Variants in GBE1 observed in about 807,000 individuals in gnomAD.
GBE1 encodes the protein 1,4-alpha-glucan branching enzyme 1, also known as 1,4-alpha-glucan-branching enzyme.
A neutral mutation model predicts 88.8 loss-of-function variants in GBE1; 70 were observed. The ratio of observed to expected loss-of-function variants is 0.79; its 90% CI spans 0.65 to 0.96. GBE1 has a LOEUF of 0.96. Ranked by LOEUF, GBE1 falls within the 40% of genes least tolerant of loss-of-function variation. The pLI, the probability that GBE1 is intolerant of heterozygous loss-of-function variation, is 0.00. For synonymous variants in GBE1, 284 were observed against 300.1 expected (o/e 0.95, Z 0.56); for missense variants, 872 against 871.0 (o/e 1.00, Z -0.01).
intron 14 of GBE1, among the ~76,000 whole-genome samples, chr3:81,530,092 TC>T (rs1195006394): frequency 6.6e-6 from 1 of 151,904 alleles, no homozygotes; most frequent in African/African-American, 2.4e-5. Flanking sequence ...CTTGATCAAT[TC>T]TGCTCTTGAG....
At chr3:81,641,667 G>T (rs1290297465) in intron 7 of GBE1, among the ~76,000 whole-genome samples, 1 of 152,106 alleles carries the variant, frequency 6.6e-6, no homozygotes, top group East Asian at 1.9e-4. Flanking sequence ...TATCTGGCAT[G>T]AGTGATTCCT....
Position 81,631,971 on chromosome 3 carries a change from C to A in GBE1, c.992+10810G>T, listed in dbSNP as rs543423086. The stretch of plus-strand genomic sequence containing the variant: ...TATCCCTCCCCTTGTCTCCCACCCC[C>A]CAATAGGCCCTGGTGTGTGATGTTC... On this transcript the variant is annotated intron_variant, in intron 7 of 15. Coordinates refer to ENST00000429644, the MANE Select transcript of GBE1 (RefSeq NM_000158.4). 5.3e-5 allele frequency among the ~76,000 whole-genome samples: 8 copies of A among 152,160 alleles called. No homozygotes were observed. The South Asian group carries it at 1.5e-3, about 28-fold the overall frequency.
At chr3:81,624,143 G>C (rs553227442) in intron 7 of GBE1, among the ~76,000 whole-genome samples, 1 of 152,168 alleles carries the variant, frequency 6.6e-6, no homozygotes, top group Non-Finnish European at 1.5e-5. Flanking sequence ...AGGAAGCAAG[G>C]CACCTTCTTC....
chr3:81,503,985 G>T (rs890274303), intron 14 of GBE1, among the ~76,000 whole-genome samples: 2 of 152,138 alleles, frequency 1.3e-5, no homozygotes, highest in African/African-American at 4.8e-5. Context: ...GTCCAGGAAT[G>T]TCACATGGCA....
chr3:81,679,427 TC>T (rs1450399349), intron 2 of GBE1, among the ~76,000 whole-genome samples: 2 of 152,170 alleles, frequency 1.3e-5, no homozygotes, highest in African/African-American at 4.8e-5. Context: ...CCTGCCTTGA[TC>T]AATCAGGGTT....
chr3:81,512,614 C>G (rs35136076), intron 14 of GBE1, among the ~76,000 whole-genome samples: 5,152 of 151,786 alleles, frequency 0.034, 109 homozygotes, highest in Non-Finnish European at 0.053. Flanking sequence ...ATCTGGTGAC[C>G]AAATGTAAAA....
intron 1 of GBE1, among the ~76,000 whole-genome samples, chr3:81,709,805 C>T (rs1028677600): frequency 2.0e-5 from 3 of 152,110 alleles, no homozygotes; most frequent in Non-Finnish European, 4.4e-5. Flanking sequence ...ATCATTGTGG[C>T]TCAAAAAGGA....
intron 14 of GBE1, among the ~76,000 whole-genome samples, chr3:81,523,453 T>A (rs1464796989): frequency 6.6e-6 from 1 of 151,388 alleles, no homozygotes; most frequent in Non-Finnish European, 1.5e-5. Context: ...GTAAATAGAG[T>A]ATCCATCATC....
chr3:81,561,138 A>T (rs766285781), intron 12 of GBE1, among the ~76,000 whole-genome samples: 15 of 151,850 alleles, frequency 9.9e-5, no homozygotes, highest in Non-Finnish European at 1.2e-4. Flanking sequence ...ACACCAAATT[A>T]AAAAAAATTA....
intron 5 of GBE1, among the ~76,000 whole-genome samples, chr3:81,648,549 TAA>T (rs1241615781): frequency 6.6e-6 from 1 of 152,118 alleles, no homozygotes; most frequent in Non-Finnish European, 1.5e-5. Context: ...CTTAAATTGA[TAA>T]AGGTTTCCTC....
intron 14 of GBE1, 87 bp downstream of exon 14, chr3:81,535,108 A>G: frequency 3.4e-6 from 4 of 1,175,726 alleles, no homozygotes; most frequent in Non-Finnish European, 4.7e-6. Context: ...CATCAAGATC[A>G]ACCTTAGTCT....
chr3:81,540,070 C>T (rs185411924), intron 12 of GBE1, among the ~76,000 whole-genome samples: 3 of 151,906 alleles, frequency 2.0e-5, no homozygotes, highest in Admixed American at 2.0e-4. Context: ...GTAAAGGGGA[C>T]ATTAGAAGAA....
intron 12 of GBE1, among the ~76,000 whole-genome samples, chr3:81,565,815 T>C (rs892308368): frequency 6.6e-6 from 1 of 152,176 alleles, no homozygotes; most frequent in Non-Finnish European, 1.5e-5. Context: ...TCAGATGACC[T>C]ACATTATAAA....
At chr3:81,500,098 A>G (rs1702568876) in intron 14 of GBE1, among the ~76,000 whole-genome samples, 1 of 152,230 alleles carries the variant, frequency 6.6e-6, no homozygotes, top group Non-Finnish European at 1.5e-5. Flanking sequence ...ACAATGAGCC[A>G]TCATTTTCAA....
intron 7 of GBE1, among the ~76,000 whole-genome samples, chr3:81,633,745 T>C (rs1434337047): frequency 1.3e-5 from 2 of 152,196 alleles, no homozygotes; most frequent in African/African-American, 4.8e-5. Context: ...ATTTAATCTA[T>C]GAAGGTATAG....
chr3:81,490,580 T>C, intron 15 of GBE1, 117 bp from the exon 16 acceptor site: 1 of 807,564 alleles, frequency 1.2e-6, no homozygotes, highest in Non-Finnish European at 2.1e-6. Context: ...CAGTTACCTT[T>C]ACAATTTTAC....
chr3:81,694,829 G>A (rs1705569010), intron 2 of GBE1, among the ~76,000 whole-genome samples: 1 of 152,120 alleles, frequency 6.6e-6, no homozygotes, highest in Non-Finnish European at 1.5e-5. Flanking sequence ...TTCCTTTGTA[G>A]CCAGACTAGC....
At chr3:81,586,744 T>A (rs921844272) in intron 9 of GBE1, among the ~76,000 whole-genome samples, 1 of 151,930 alleles carries the variant, frequency 6.6e-6, no homozygotes. Flanking sequence ...TTAGCAGATA[T>A]AGAAACAGAG....
chr3:81,653,954 C>T (rs1411631957), intron 3 of GBE1, among the ~76,000 whole-genome samples: 1 of 152,108 alleles, frequency 6.6e-6, no homozygotes, highest in African/African-American at 2.4e-5. Flanking sequence ...TCTAATCACA[C>T]ATACATCTGC....
Sources: allele counts gnomAD v4.1 joint callset (sites outside exome capture counted in the v4.1 genomes callset), GRCh38; gene constraint gnomAD v4.1.1; transcripts MANE v1.5; gene names NCBI Gene and HGNC (gene_info 2026-07-23, HGNC 2026-07-21).